KIF5C: variants seen among roughly 807,000 people sequenced by gnomAD.
KIF5C encodes kinesin heavy chain isoform 5C.
Under a neutral mutation model 125.2 loss-of-function variants are expected in KIF5C, and 18 were observed. That is an observed-to-expected ratio of 0.14 (90% CI 0.10 to 0.21). The LOEUF (loss-of-function observed/expected upper bound fraction) is 0.21. KIF5C is among the 10% of genes least tolerant of loss of function. The probability of loss-of-function intolerance (pLI) is 1.00; values close to 1 mark genes in which losing one functional copy is unlikely to be tolerated. For synonymous variants in KIF5C, 405 were observed against 434.0 expected (o/e 0.93, Z 0.83); for missense variants, 780 against 1,183.8 (o/e 0.66, Z 5.01).
chr2:148,920,346 C>T (rs1681733598), intron 1 of KIF5C, among the ~76,000 whole-genome samples: 1 of 152,192 alleles, frequency 6.6e-6, no homozygotes, highest in South Asian at 2.1e-4. Flanking sequence ...TTTTACCTTA[C>T]TGACATTTAG....
chr2:148,955,322 G>A (rs573198542), intron 10 of KIF5C, among the ~76,000 whole-genome samples: 1 of 152,154 alleles, frequency 6.6e-6, no homozygotes, highest in Non-Finnish European at 1.5e-5. Flanking sequence ...AAGGTACTTT[G>A]TAGAATATGC....
At chr2:148,976,245 T>TTTTTTTTATTTATTTATTTA (rs1553468292) in intron 12 of KIF5C, among the ~76,000 whole-genome samples, 16 of 143,936 alleles carry the variant, frequency 1.1e-4, no homozygotes, top group South Asian at 2.3e-4. Context: ...TATTATTTTG[T>TTTTTTTTATTTATTTATTTA]TTTATTTATT....
chr2:148,936,803 C>A (rs987767566), intron 3 of KIF5C, among the ~76,000 whole-genome samples: 3 of 152,118 alleles, frequency 2.0e-5, no homozygotes, highest in African/African-American at 7.2e-5. Context: ...GAAAGTGTTG[C>A]CAGAATAAGG....
rs946182043 is a variant in KIF5C, at chr2:148,998,554, C to T, written c.2210+45C>T. The T allele has an allele frequency of 5.8e-6, 9 of 1,549,276 alleles. No homozygotes were observed. The East Asian group carries it at 7.3e-5, about 13-fold the overall frequency. On this transcript the variant is annotated intron_variant, in intron 19 of 25. Transcript: ENST00000435030. ...CAGGGGTGTGGGGGTGGTCATGCCT[C>T]GGTCCTCTTGGGGAAGCCTGGAAGG... is the stretch of plus-strand genomic sequence containing the variant.
At chr2:149,003,023 C>T (rs1363646696) in intron 21 of KIF5C, among the ~76,000 whole-genome samples, 12 of 152,220 alleles carry the variant, frequency 7.9e-5, no homozygotes, top group Admixed American at 6.5e-4. Context: ...CACCCTCGCC[C>T]AGCCCATGCA....
chr2:149,004,980 T>G (rs1030356895), intron 21 of KIF5C, among the ~76,000 whole-genome samples: 1 of 152,214 alleles, frequency 6.6e-6, no homozygotes, highest in African/African-American at 2.4e-5. Context: ...GGTGAGATAT[T>G]GTGGCTAACT....
chr2:148,988,588 T>G (rs1433075516), intron 15 of KIF5C, among the ~76,000 whole-genome samples: 2 of 152,152 alleles, frequency 1.3e-5, no homozygotes, highest in African/African-American at 4.8e-5. Context: ...GAATTCCATG[T>G]GGAAGAGATG....
intron 11 of KIF5C, among the ~76,000 whole-genome samples, chr2:148,965,198 G>T (rs1395511523): frequency 6.6e-6 from 1 of 152,088 alleles, no homozygotes; most frequent in Non-Finnish European, 1.5e-5. Flanking sequence ...ACATTATTCA[G>T]ATAAGAAGTT....
chr2:149,017,671 C>A (rs182188918), intron 25 of KIF5C, among the ~76,000 whole-genome samples: 1 of 152,226 alleles, frequency 6.6e-6, no homozygotes, highest in Non-Finnish European at 1.5e-5. Context: ...TATATTTAGA[C>A]CATTTTATCT....
intron 1 of KIF5C, among the ~76,000 whole-genome samples, chr2:148,897,508 T>A (rs373844443): frequency 6.6e-6 from 1 of 152,202 alleles, no homozygotes; most frequent in African/African-American, 2.4e-5. Flanking sequence ...CGATATTTAT[T>A]AATGCAATAA....
rs547715982 is a variant in KIF5C, at chr2:149,009,053, G to A, written c.2550+986G>A. ...CGCCCAGGCTGGAGTGCAGTGGTGC[G>A]ATCTCTGCTCAGTGCAACCTCTGCC... On this transcript the variant is annotated intron_variant, in intron 23 of 25. Transcript: ENST00000435030. Among the ~76,000 whole-genome samples, 277 of 147,912 alleles carry A rather than the reference G, an allele frequency of 1.9e-3. 7 individuals carry two copies. Among genetic ancestry groups the A allele is most frequent in the Admixed American group, 0.016 (229 of 14,756 alleles).
rs544027701 is a variant in KIF5C at position 148,981,405 on chromosome 2, A to G, written c.1413A>G (p.Thr471=). ...RDYEKIQEEL[T]RLQIENEAAK... ...ATGAGAAGATACAGGAGGAGCTGAC[A>G]CGTCTCCAGATTGAAAATGAGGCAG... The change falls in exon 14 of 26, where the codon ACA becomes ACG. Residue 471 remains threonine, a synonymous_variant. Coordinates refer to ENST00000435030, the MANE Select transcript of KIF5C (RefSeq NM_004522.3). 2.5e-6 allele frequency: 4 copies of G among 1,611,374 alleles called. No individual in the cohort carries two copies. In the South Asian group the frequency reaches 3.3e-5, roughly 13 times the overall value.
chr2:149,005,566 T>C, intron 22 of KIF5C, 102 bp downstream of exon 22: 1 of 1,505,516 alleles, frequency 6.6e-7, no homozygotes, highest in Non-Finnish European at 9.0e-7. Context: ...GGGCTGGTTA[T>C]GCTTAAAAAT....
At chr2:148,904,167 G>T (rs1224754178) in intron 1 of KIF5C, among the ~76,000 whole-genome samples, 1 of 152,222 alleles carries the variant, frequency 6.6e-6, no homozygotes, top group African/African-American at 2.4e-5. Flanking sequence ...CATGTTGAAT[G>T]GTTTTCCTGT....
chr2:148,930,745 CA>C (rs1026752652), intron 3 of KIF5C, among the ~76,000 whole-genome samples: 2 of 152,160 alleles, frequency 1.3e-5, no homozygotes, highest in African/African-American at 4.8e-5. Flanking sequence ...CAAAGTGGTT[CA>C]GAGACTGCAC....
At chr2:148,990,119 A>G (rs1279820825) in intron 15 of KIF5C, among the ~76,000 whole-genome samples, 1 of 152,236 alleles carries the variant, frequency 6.6e-6, no homozygotes. Context: ...ATATGCACAC[A>G]GTTACTTGCT....
At chr2:148,923,997 C>T (rs536313616) in intron 2 of KIF5C, among the ~76,000 whole-genome samples, 13 of 152,236 alleles carry the variant, frequency 8.5e-5, no homozygotes, top group Admixed American at 5.2e-4. Context: ...TAAAATCAGG[C>T]GCTGACATGA....
intron 19 of KIF5C, 84 bp downstream of exon 19, chr2:148,998,593 T>A (rs942358364): frequency 1.3e-6 from 2 of 1,530,988 alleles, no homozygotes; most frequent in African/African-American, 1.4e-5. Context: ...TGGCTCTTAG[T>A]CGAGGGCCCT....
chr2:148,918,211 T>C (rs968260156), intron 1 of KIF5C, among the ~76,000 whole-genome samples: 17 of 152,250 alleles, frequency 1.1e-4, no homozygotes, highest in Admixed American at 5.2e-4. Flanking sequence ...ACTGCTCCTA[T>C]GTAATTAGCA....
Sources: allele counts gnomAD v4.1 joint callset (sites outside exome capture counted in the v4.1 genomes callset), GRCh38; gene constraint gnomAD v4.1.1; transcripts MANE v1.5; gene names NCBI Gene and HGNC (gene_info 2026-07-23, HGNC 2026-07-21).